NUDT7: variants seen among roughly 807,000 people sequenced by gnomAD.
NUDT7 encodes nudix hydrolase 7.
NUDT7 carries 19 observed loss-of-function variants against 13.1 expected under a neutral mutation model. The observed-to-expected ratio is 1.45, with a 90% CI of 1.01 to 2.13. NUDT7 has a LOEUF of 2.13. Among genes scored for constraint, NUDT7 ranks in the 30% most tolerant of loss-of-function variants. The pLI is 0.00. For synonymous variants in NUDT7, 132 were observed against 109.7 expected (o/e 1.20, Z -1.27); for missense variants, 360 against 291.7 (o/e 1.23, Z -1.71).
chr16:77,732,725 T>C (rs1462446045), intron 2 of NUDT7, among the ~76,000 whole-genome samples: 1 of 152,232 alleles, frequency 6.6e-6, no homozygotes, highest in African/African-American at 2.4e-5. Context: ...CACCCTGTGT[T>C]GTTTACACGA....
At chr16:77,730,465 A>G (rs1181814068) in intron 2 of NUDT7, among the ~76,000 whole-genome samples, 1 of 152,146 alleles carries the variant, frequency 6.6e-6, no homozygotes, top group Non-Finnish European at 1.5e-5. Context: ...CTTTTTTATG[A>G]CTGAATAATA....
At chr16:77,727,516 C>A (rs956932484) in intron 2 of NUDT7, among the ~76,000 whole-genome samples, 15 of 152,208 alleles carry the variant, frequency 9.9e-5, no homozygotes, top group Non-Finnish European at 2.1e-4. Flanking sequence ...CTGTTCCCAC[C>A]TCTGCCAATA....
intron 1 of NUDT7, among the ~76,000 whole-genome samples, chr16:77,723,124 C>A (rs2145097503): frequency 6.9e-6 from 1 of 144,200 alleles, no homozygotes; most frequent in Admixed American, 7.0e-5. Context: ...GCTGTTGATA[C>A]CTTGGTGATT....
intron 1 of NUDT7, among the ~76,000 whole-genome samples, 154 bp from the exon 2 acceptor site, chr16:77,725,277 T>C (rs1339686865): frequency 6.6e-6 from 1 of 152,192 alleles, no homozygotes; most frequent in East Asian, 1.9e-4. Flanking sequence ...GCAATTTAGA[T>C]AGTATCATTT....
chr16:77,734,909 G>C (rs554627095), intron 2 of NUDT7, among the ~76,000 whole-genome samples: 7 of 152,118 alleles, frequency 4.6e-5, no homozygotes, highest in Non-Finnish European at 8.8e-5. Flanking sequence ...TCTGGAATGA[G>C]ATAGTAGGGA....
chr16:77,725,988 A>G (rs1597110588), intron 2 of NUDT7, among the ~76,000 whole-genome samples: 1 of 152,196 alleles, frequency 6.6e-6, no homozygotes. Context: ...CCAGTATGCC[A>G]GTAGCACACA....
intron 2 of NUDT7, among the ~76,000 whole-genome samples, chr16:77,729,698 A>G (rs61565390): frequency 0.1 from 15,803 of 151,938 alleles, 866 homozygotes; most frequent in East Asian, 0.15. Flanking sequence ...GGTGGTGCAC[A>G]CCTGTAGTTC....
chr16:77,724,758 A>G (rs1166750179), intron 1 of NUDT7, among the ~76,000 whole-genome samples: 1 of 152,234 alleles, frequency 6.6e-6, no homozygotes, highest in Non-Finnish European at 1.5e-5. Context: ...AAAAGGACCA[A>G]AACAAGTCCA....
At position 77,735,354 on chromosome 16, in the gene NUDT7, G is replaced by C. The variant is rs928579576; in HGVS notation, c.190-474G>C. ...TCACGAGATAAGGTTGTTTAAAAGTGTGTAGCACCTCCCCTCCCTCTCTCT... is the reference window on the plus strand; with the variant it reads ...TCACGAGATAAGGTTGTTTAAAAGTCTGTAGCACCTCCCCTCCCTCTCTCT... On this transcript the variant is annotated intron_variant, in intron 2 of 3. Coordinates refer to ENST00000268533, the MANE Select transcript of NUDT7 (RefSeq NM_001105663.3). 1.3e-5 allele frequency: 7 copies of C among 523,364 alleles called. No individual in the cohort carries two copies. In the Admixed American group the frequency reaches 1.8e-4, roughly 14 times the overall value. The allele number at this position is 523,364 out of a possible 1,614,324, so 32.4% of individuals were successfully genotyped here.
At chr16:77,728,567 G>A (rs138892573) in intron 2 of NUDT7, among the ~76,000 whole-genome samples, 70 of 152,120 alleles carry the variant, frequency 4.6e-4, no homozygotes, top group African/African-American at 1.4e-3. Flanking sequence ...TAATCACCTC[G>A]GTTTTCTCAT....
At chr16:77,734,640 G>A (rs1333797783) in intron 2 of NUDT7, among the ~76,000 whole-genome samples, 1 of 151,886 alleles carries the variant, frequency 6.6e-6, no homozygotes, top group African/African-American at 2.4e-5. Context: ...AAAGAAAAGA[G>A]TAGCTTACCT....
At chr16:77,737,791 T>A (rs1376215347) in intron 3 of NUDT7, among the ~76,000 whole-genome samples, 1 of 152,092 alleles carries the variant, frequency 6.6e-6, no homozygotes, top group African/African-American at 2.4e-5. Flanking sequence ...AGCCTTAATG[T>A]TTTATATATT....
At chr16:77,731,447 C>T (rs1242027434) in intron 2 of NUDT7, among the ~76,000 whole-genome samples, 1 of 152,162 alleles carries the variant, frequency 6.6e-6, no homozygotes, top group East Asian at 1.9e-4. Flanking sequence ...TAGCACAAGA[C>T]ATTACTCACA....
At chr16:77,728,712 A>G (rs910985816) in intron 2 of NUDT7, among the ~76,000 whole-genome samples, 4 of 152,042 alleles carry the variant, frequency 2.6e-5, no homozygotes, top group Non-Finnish European at 5.9e-5. Flanking sequence ...TGTTTTCGTT[A>G]TCTCCTTGTC....
At position 77,728,516 on chromosome 16, in the gene NUDT7, C is replaced by G. The variant is rs980283798; in HGVS notation, c.189+2932C>G. ...CCTCCCAAAGTGCTGAGATGACAAGCGTGTGCCACCACGCCCAGCCTGCAA... is the reference window on the plus strand; with the variant it reads ...CCTCCCAAAGTGCTGAGATGACAAGGGTGTGCCACCACGCCCAGCCTGCAA... On this transcript the variant is annotated intron_variant, in intron 2 of 3. Coordinates refer to ENST00000268533, the MANE Select transcript of NUDT7 (RefSeq NM_001105663.3). 2.6e-5 allele frequency among the ~76,000 whole-genome samples: 4 copies of G among 152,254 alleles called. No homozygotes were observed. The South Asian group carries it at 8.3e-4, about 32-fold the overall frequency.
chr16:77,725,816 G>C lies in NUDT7; in HGVS notation c.189+232G>C, dbSNP rs28557280. Reference sequence around the variant, plus strand: ...GCAGTTTAAAACGCTTTCACACTAGGGTTACCTAACCTTGGTGCTATTGGC... The same window carrying C: ...GCAGTTTAAAACGCTTTCACACTAGCGTTACCTAACCTTGGTGCTATTGGC... On this transcript the variant is annotated intron_variant, in intron 2 of 3. Coordinates refer to ENST00000268533, the MANE Select transcript of NUDT7 (RefSeq NM_001105663.3). 2.6e-3 allele frequency among the ~76,000 whole-genome samples: 403 copies of C among 152,284 alleles called. 2 individuals are homozygous for C. Among genetic ancestry groups the C allele is most frequent in the African/African-American group, 9.3e-3 (385 of 41,568 alleles).
chr16:77,729,994 A>C (rs942994228), intron 2 of NUDT7, among the ~76,000 whole-genome samples: 4 of 151,846 alleles, frequency 2.6e-5, no homozygotes, highest in African/African-American at 9.7e-5. Flanking sequence ...CTCACATAGT[A>C]ACATATTAAC....
intron 2 of NUDT7, among the ~76,000 whole-genome samples, chr16:77,726,980 G>A (rs999577261): frequency 2.0e-5 from 3 of 151,894 alleles, no homozygotes; most frequent in Admixed American, 1.3e-4. Flanking sequence ...AAGAGAGAGA[G>A]CAGGGAAATA....
chr16:77,722,700 C>G, intron 1 of NUDT7, 83 bp downstream of exon 1: 4 of 1,389,776 alleles, frequency 2.9e-6, no homozygotes, highest in Non-Finnish European at 4.0e-6. Context: ...GCCTTTTGGC[C>G]GGGACTGATT....
Sources: gnomAD v4.1 joint callset for allele counts (sites outside exome capture counted in the v4.1 genomes callset) on GRCh38, gnomAD v4.1.1 for gene constraint, MANE v1.5 for transcripts, NCBI Gene and HGNC (gene_info 2026-07-23, HGNC 2026-07-21) for gene names.